The following KCNQ3 variants were observed in gnomAD, a reference collection of about 807,000 sequenced individuals.
The protein encoded by KCNQ3 is potassium voltage-gated channel subfamily Q member 3.
KCNQ3 carries 30 observed loss-of-function variants against 92.5 expected under a neutral mutation model. That is an observed-to-expected ratio of 0.32 (90% confidence interval 0.24 to 0.44). The LOEUF is 0.44. Ranked by LOEUF, KCNQ3 falls within the 20% of genes least tolerant of loss-of-function variation. The pLI, the probability that KCNQ3 is intolerant of heterozygous loss-of-function variation, is 1.00. For synonymous variants in KCNQ3, 450 were observed against 468.8 expected, an observed-to-expected ratio of 0.96 and a Z score of 0.52; for missense variants, 913 against 1,140.3, an observed-to-expected ratio of 0.80 and a Z score of 2.87.
At chr8:132,464,855 C>A (rs966745894) in intron 1 of KCNQ3, among the ~76,000 whole-genome samples, 2 of 152,180 alleles carry the variant, frequency 1.3e-5, no homozygotes, top group Admixed American at 6.5e-5. Flanking sequence ...TTATTCACCC[C>A]TCTTTCTCCT....
At chr8:132,348,837 G>A (rs1282576869) in intron 1 of KCNQ3, among the ~76,000 whole-genome samples, 1 of 152,180 alleles carries the variant, frequency 6.6e-6, no homozygotes, top group African/African-American at 2.4e-5. Flanking sequence ...GGTAGTGAAT[G>A]TCCGCATTTT....
At chr8:132,190,236 C>T (rs1402389912) in intron 1 of KCNQ3, among the ~76,000 whole-genome samples, 1 of 152,082 alleles carries the variant, frequency 6.6e-6, no homozygotes, top group Non-Finnish European at 1.5e-5. Context: ...GGTGGGCATG[C>T]CCTAAGGTAA....
chr8:132,439,252 T>C (rs912578386), intron 1 of KCNQ3, among the ~76,000 whole-genome samples: 1 of 151,900 alleles, frequency 6.6e-6, no homozygotes, highest in African/African-American at 2.4e-5. Context: ...GGAAATTCAA[T>C]TCATCCCAGC....
chr8:132,300,567 A>G (rs181978035), intron 1 of KCNQ3, among the ~76,000 whole-genome samples: 171 of 152,242 alleles, frequency 1.1e-3, no homozygotes, highest in African/African-American at 4.0e-3. Flanking sequence ...GGGACACATC[A>G]GTGTGTGGCA....
At chr8:132,355,588 A>G (rs1818997441) in intron 1 of KCNQ3, among the ~76,000 whole-genome samples, 2 of 152,070 alleles carry the variant, frequency 1.3e-5, no homozygotes, top group Admixed American at 1.3e-4. Flanking sequence ...TCTGGTAGCA[A>G]TCGTGTTTCC....
intron 8 of KCNQ3, among the ~76,000 whole-genome samples, chr8:132,165,218 G>A (rs940514140): frequency 6.6e-6 from 1 of 152,008 alleles, no homozygotes; most frequent in African/African-American, 2.4e-5. Context: ...GATTGCTCTA[G>A]CCAAAGCCCC....
At chr8:132,473,463 A>G (rs2130868378) in intron 1 of KCNQ3, among the ~76,000 whole-genome samples, 1 of 152,334 alleles carries the variant, frequency 6.6e-6, no homozygotes, top group Middle Eastern at 3.4e-3. Context: ...ATTAGAGTAT[A>G]TGTTCCATTA....
chr8:132,220,819 TA>T (rs1814202551), intron 1 of KCNQ3, among the ~76,000 whole-genome samples: 2 of 151,744 alleles, frequency 1.3e-5, no homozygotes, highest in East Asian at 1.9e-4. Context: ...AACTTTTTTT[TA>T]TTTTTTTTAT....
At chr8:132,439,547 G>C (rs1821480911) in intron 1 of KCNQ3, among the ~76,000 whole-genome samples, 1 of 152,088 alleles carries the variant, frequency 6.6e-6, no homozygotes, top group Admixed American at 6.5e-5. Context: ...ACAAAGTATG[G>C]TAATCAGCTG....
chr8:132,169,176 G>A (rs1826232604), intron 8 of KCNQ3, among the ~76,000 whole-genome samples: 1 of 152,166 alleles, frequency 6.6e-6, no homozygotes, highest in Non-Finnish European at 1.5e-5. Context: ...GGCTCCAGGT[G>A]TGGACTCTGG....
rs1164773143 is a variant in KCNQ3 at position 132,224,081 on chromosome 8, ATTTTTTTTTT to A, written c.387-37910_387-37901del. On this transcript the variant is annotated intron_variant, in intron 1 of 14. Coordinates refer to ENST00000388996, the MANE Select transcript of KCNQ3 (RefSeq NM_004519.4). ...CAGACACACACCATCATGCCAGGCT[ATTTTTTTTTT>A]TTTTTTTTTTTTTTTTTTGCTTTTG... is the stretch of plus-strand genomic sequence containing the variant. Among the ~76,000 whole-genome samples, 369 of 39,482 alleles carry A rather than the reference ATTTTTTTTTT, an allele frequency of 9.3e-3. 2 individuals carry two copies. Among genetic ancestry groups the A allele is most frequent in the South Asian group, 0.069 (60 of 864 alleles). 25.9% of individuals were successfully genotyped at this position (39,482 alleles called of 152,430 possible). A position where few individuals can be genotyped will look rare whatever the true frequency, so the allele number is the denominator to read the frequency against.
intron 1 of KCNQ3, among the ~76,000 whole-genome samples, chr8:132,386,142 T>C (rs1272647140): frequency 6.6e-6 from 1 of 152,100 alleles, no homozygotes; most frequent in Non-Finnish European, 1.5e-5. Flanking sequence ...ACTCTCCTGA[T>C]TGGAAAAGAA....
At chr8:132,370,732 T>C (rs1226703240) in intron 1 of KCNQ3, among the ~76,000 whole-genome samples, 1 of 152,126 alleles carries the variant, frequency 6.6e-6, no homozygotes, top group Non-Finnish European at 1.5e-5. Context: ...ACTGGTACTA[T>C]TGGAAATAAT....
intron 9 of KCNQ3, among the ~76,000 whole-genome samples, chr8:132,150,273 T>C (rs940775942): frequency 1.3e-5 from 2 of 152,198 alleles, no homozygotes; most frequent in Non-Finnish European, 2.9e-5. Flanking sequence ...TTTACATCCT[T>C]GAGGGCGTGG....
chr8:132,422,795 G>A (rs1821009354), intron 1 of KCNQ3, among the ~76,000 whole-genome samples: 4 of 152,184 alleles, frequency 2.6e-5, no homozygotes, highest in African/African-American at 4.8e-5. Context: ...AGCTGCCTGA[G>A]AGAGGAAATG....
At chr8:132,337,330 C>G (rs1433936704) in intron 1 of KCNQ3, among the ~76,000 whole-genome samples, 4 of 152,086 alleles carry the variant, frequency 2.6e-5, no homozygotes, top group African/African-American at 4.8e-5. Context: ...AACCCAGTCT[C>G]TATAAAAATT....
intron 1 of KCNQ3, among the ~76,000 whole-genome samples, chr8:132,287,124 T>C (rs1039808734): frequency 1.2e-4 from 18 of 152,226 alleles, no homozygotes; most frequent in Non-Finnish European, 2.4e-4. Context: ...TTAGATACAA[T>C]AACCTGATCT....
chr8:132,175,103 C>T (rs570266794), intron 5 of KCNQ3, among the ~76,000 whole-genome samples: 5 of 152,324 alleles, frequency 3.3e-5, no homozygotes, highest in African/African-American at 1.2e-4. Context: ...TAGGGTTGTG[C>T]ACACACAGGT....
In KCNQ3 at chr8:132,137,908, G is replaced by T. The variant is rs377613824; in HGVS notation, c.1677C>A (p.Ser559=). 2.4e-5 allele frequency: 39 copies of T among 1,613,902 alleles called. 1 individual carries two copies. The highest frequency in any genetic ancestry group is 1.2e-4 in the Admixed American group (7 of 60,002). The change falls in exon 12 of 15, where the codon TCC becomes TCA. Residue 559 remains serine (S), a synonymous_variant. Transcript: ENST00000388996. ...ACCTCGTCTGAAGGTACTTTATCCT[G>T]GAAAGCATGTCGAGATGCCCGGCAG... ...QYSAGHLDML[S]RIKYLQTRID...
Sources: allele counts gnomAD v4.1 joint callset (sites outside exome capture counted in the v4.1 genomes callset), GRCh38; gene constraint gnomAD v4.1.1; transcripts MANE v1.5; gene names NCBI Gene and HGNC (gene_info 2026-07-23, HGNC 2026-07-21).